NSFL1C: variants seen among roughly 807,000 people sequenced by gnomAD.
NSFL1C encodes the protein NSFL1 cofactor p47.
Under a neutral mutation model 43.1 loss-of-function variants are expected in NSFL1C, and 14 were observed. That is an observed-to-expected ratio of 0.32 (90% confidence interval 0.21 to 0.51). NSFL1C has a LOEUF of 0.51. Among genes scored for constraint, NSFL1C ranks in the 20% least tolerant of loss-of-function variants. NSFL1C has a pLI of 0.98. For missense variants in NSFL1C, 406 were observed against 472.5 expected (o/e 0.86, Z 1.30); for synonymous variants, 171 against 183.5 (o/e 0.93, Z 0.55).
intron 6 of NSFL1C, 30 bp downstream of exon 6, chr20:1,453,001 T>C (rs1391963409): frequency 1.7e-6 from 2 of 1,176,890 alleles, no homozygotes; most frequent in Non-Finnish European, 2.6e-6. Flanking sequence ...CTCACTGATT[T>C]GGGACCTACA....
chr20:1,452,551 A>G lies in NSFL1C; in HGVS notation c.727T>C (p.Phe243Leu), dbSNP rs1268801284. ...TTGAAGGCTCCTTTGGGCTTCACAAAGTCCTCGTCCCGATGGTCCTCCATA... is the reference window on the plus strand; with the variant it reads ...TTGAAGGCTCCTTTGGGCTTCACAAGGTCCTCGTCCCGATGGTCCTCCATA... ...LDMEDHRDED[F>L]VKPKGAFKAF... The change falls in exon 7 of 9, where the codon TTT (phenylalanine) becomes CTT (leucine). Residue 243 changes from phenylalanine (F) to leucine (L), a missense_variant. Physicochemically the swap from Phe to Leu is conservative, Grantham distance 22. Coordinates refer to ENST00000216879, the MANE Select transcript of NSFL1C (RefSeq NM_016143.5). 1 of 1,614,080 alleles carries G rather than the reference A, an allele frequency of 6.2e-7. No individual in the cohort carries two copies. The highest frequency in any genetic ancestry group is 1.3e-5 in the African/African-American group (1 of 74,922).
At chr20:1,447,754 G>A (rs2090092462) in intron 7 of NSFL1C, among the ~76,000 whole-genome samples, 1 of 116,702 alleles carries the variant, frequency 8.6e-6, no homozygotes, top group Non-Finnish European at 1.8e-5. Context: ...CAAAATAGCT[G>A]ATATCAGTTA....
chr20:1,445,266 G>A (rs552371125), intron 8 of NSFL1C, among the ~76,000 whole-genome samples: 15 of 152,296 alleles, frequency 9.8e-5, no homozygotes, highest in African/African-American at 2.6e-4. Context: ...GGGGAGGGAG[G>A]TGGAGGAAGC....
chr20:1,464,257 G>T, intron 2 of NSFL1C, 72 bp downstream of exon 2: 1 of 1,360,852 alleles, frequency 7.3e-7, no homozygotes, highest in East Asian at 2.3e-5. Flanking sequence ...AGGCCTGAAC[G>T]CTCTGGTCAG....
chr20:1,449,325 T>C (rs1015662395), intron 7 of NSFL1C, among the ~76,000 whole-genome samples: 3 of 152,244 alleles, frequency 2.0e-5, no homozygotes, highest in African/African-American at 7.2e-5. Context: ...TGCTATCAGC[T>C]GCCATGGGCT....
Position 1,442,306 on chromosome 20 carries a change from G to C in NSFL1C, c.*1443C>G, listed in dbSNP as rs904821496. 1 of 152,190 alleles carries C rather than the reference G, an allele frequency of 6.6e-6. No homozygotes were observed. The highest frequency in any genetic ancestry group is 2.4e-5 in the African/African-American group (1 of 41,434). The allele number at this position is 152,190 out of a possible 1,614,324, so 9.4% of individuals were successfully genotyped here. A position where few individuals can be genotyped will look rare whatever the true frequency, so the allele number is the denominator to read the frequency against. On this transcript the variant is annotated 3_prime_UTR_variant, in exon 9 of 9. Coordinates refer to ENST00000216879, the MANE Select transcript of NSFL1C (RefSeq NM_016143.5). Reference sequence around the variant, plus strand: ...TGCCCCAGCAGGCCACTGCCGGTGTGGGAACTTTGGGATCAAAAGCACCAA... The same window carrying C: ...TGCCCCAGCAGGCCACTGCCGGTGTCGGAACTTTGGGATCAAAAGCACCAA...
intron 2 of NSFL1C, among the ~76,000 whole-genome samples, chr20:1,463,669 G>T (rs529000884): frequency 1.9e-4 from 29 of 152,304 alleles, no homozygotes; most frequent in African/African-American, 6.7e-4. Context: ...GGCGAAAGCA[G>T]AGAGGGGAGA....
intron 2 of NSFL1C, among the ~76,000 whole-genome samples, chr20:1,461,076 C>T (rs905313205): frequency 6.6e-6 from 1 of 152,152 alleles, no homozygotes; most frequent in Non-Finnish European, 1.5e-5. Context: ...ATGGTAAGCA[C>T]CTTACCTATT....
chr20:1,442,459 C>G lies in NSFL1C; in HGVS notation c.*1290G>C, dbSNP rs1026058618. On this transcript the variant is annotated 3_prime_UTR_variant, in exon 9 of 9. Coordinates refer to ENST00000216879, the MANE Select transcript of NSFL1C (RefSeq NM_016143.5). ...AGGAAAGAGAAAGAGACTGGTGAGG[C>G]CTGCTTGGAAAGAGGATTGAGGCAC... 1 of 152,232 alleles carries G rather than the reference C, an allele frequency of 6.6e-6. No homozygotes were observed. The highest frequency in any genetic ancestry group is 2.4e-5 in the African/African-American group (1 of 41,430). 9.4% of individuals were successfully genotyped at this position (152,232 alleles called of 1,614,324 possible). A position where few individuals can be genotyped will look rare whatever the true frequency, so the allele number is the denominator to read the frequency against.
rs1483712390 is a variant in NSFL1C, at chr20:1,443,720, G to A, written c.*29C>T. 6.2e-7 allele frequency: 1 copy of A among 1,611,814 alleles called. No individual in the cohort carries two copies. Among genetic ancestry groups the A allele is most frequent in the Non-Finnish European group, 8.5e-7 (1 of 1,178,244 alleles). ...ATGGCCACTGGCCATGGGAAACACA[G>A]GAGGGAGGCCAGGCAGCTGGCTGGG... On this transcript the variant is annotated 3_prime_UTR_variant, in exon 9 of 9. Coordinates refer to ENST00000216879, the MANE Select transcript of NSFL1C (RefSeq NM_016143.5).
intron 7 of NSFL1C, chr20:1,446,160 A>G: frequency 6.7e-6 from 3 of 449,572 alleles, no homozygotes; most frequent in Non-Finnish European, 8.5e-6. Context: ...CTAGGGTGGG[A>G]GAGACAGGGT....
chr20:1,464,881 AG>A (rs1438853148), intron 1 of NSFL1C, among the ~76,000 whole-genome samples: 1 of 152,214 alleles, frequency 6.6e-6, no homozygotes, highest in Non-Finnish European at 1.5e-5. Flanking sequence ...CAACTGGTAA[AG>A]AGAGGAGCCA....
chr20:1,466,472 G>A (rs1416242332), intron 1 of NSFL1C, among the ~76,000 whole-genome samples: 3 of 152,206 alleles, frequency 2.0e-5, no homozygotes, highest in Non-Finnish European at 4.4e-5. Context: ...CCGAAGTCTC[G>A]CTGACGCCGC....
intron 3 of NSFL1C, 200 bp downstream of exon 3, chr20:1,458,000 C>T: frequency 2.2e-6 from 1 of 461,920 alleles, no homozygotes; most frequent in Non-Finnish European, 3.9e-6. Context: ...TCAATAAATA[C>T]ATTAAGTAAC....
intron 1 of NSFL1C, among the ~76,000 whole-genome samples, chr20:1,464,939 C>G (rs1279410450): frequency 6.6e-6 from 1 of 152,138 alleles, no homozygotes; most frequent in African/African-American, 2.4e-5. Context: ...TTAAGCGCTT[C>G]CAGTACAGCC....
At chr20:1,444,818 C>T (rs754247790) in intron 8 of NSFL1C, among the ~76,000 whole-genome samples, 2 of 152,178 alleles carry the variant, frequency 1.3e-5, no homozygotes, top group East Asian at 1.9e-4. Context: ...ATGGGTCACT[C>T]GCTTAACCAC....
rs545082759 is a variant in NSFL1C at position 1,454,066 on chromosome 20, C to T, written c.537+147G>A. 1.3e-3 allele frequency: 828 copies of T among 648,390 alleles called. 1 individual carries two copies. Among genetic ancestry groups the T allele is most frequent in the Non-Finnish European group, 2.0e-3 (729 of 370,498 alleles). 40.2% of individuals were successfully genotyped at this position (648,390 alleles called of 1,614,324 possible). ...CCTCCTTTGATTTTCCAGTAAGCGTCTTTGTTCGTGAACCACAGCAAGGGC... is the reference window on the plus strand; with the variant it reads ...CCTCCTTTGATTTTCCAGTAAGCGTTTTTGTTCGTGAACCACAGCAAGGGC... On this transcript the variant is annotated intron_variant, in intron 5 of 8. Transcript: ENST00000216879.
At position 1,443,877 on chromosome 20, in the gene NSFL1C, G is replaced by C; in HGVS notation, c.985C>G (p.Arg329Gly). Reference protein sequence around the residue: ...SDIRLFIVDARPAMAATSFIL... With the variant: ...SDIRLFIVDAGPAMAATSFIL... Reference sequence around the variant, plus strand: ...AAGCTGGTGGCAGCCATGGCTGGCCGGGCATCCACGATGAAGAGTCGGATG... The same window carrying C: ...AAGCTGGTGGCAGCCATGGCTGGCCCGGCATCCACGATGAAGAGTCGGATG... The change falls in exon 9 of 9, where the codon CGG (arginine) becomes GGG (glycine). Residue 329 changes from arginine to glycine, a missense_variant. Coordinates refer to ENST00000216879, the MANE Select transcript of NSFL1C (RefSeq NM_016143.5). 6.2e-7 allele frequency: 1 copy of C among 1,613,170 alleles called. No homozygotes were observed. Among genetic ancestry groups the C allele is most frequent in the Non-Finnish European group, 8.5e-7 (1 of 1,179,892 alleles).
intron 1 of NSFL1C, among the ~76,000 whole-genome samples, chr20:1,466,152 T>C (rs563151023): frequency 6.6e-6 from 1 of 152,354 alleles, no homozygotes; most frequent in East Asian, 1.9e-4. Context: ...ATTTAGTGAA[T>C]ACTCAGTACG....
Sources: gnomAD v4.1 joint callset for allele counts (sites outside exome capture counted in the v4.1 genomes callset) on GRCh38, gnomAD v4.1.1 for gene constraint, MANE v1.5 for transcripts, NCBI Gene and HGNC (gene_info 2026-07-23, HGNC 2026-07-21) for gene names.